Variants in LRBA observed in about 807,000 individuals in gnomAD.
The protein encoded by LRBA is lipopolysaccharide-responsive and beige-like anchor protein.
Under a neutral mutation model 330.0 loss-of-function variants are expected in LRBA, and 176 were observed. That is an observed-to-expected ratio of 0.53 (90% CI 0.47 to 0.60). The LOEUF (loss-of-function observed/expected upper bound fraction) is 0.60. LRBA is among the 20% of genes least tolerant of loss of function. The pLI is 0.00. For missense variants in LRBA, 3,259 were observed against 3,444.8 expected (o/e 0.95, Z 1.35); for synonymous variants, 1,230 against 1,193.0 (o/e 1.03, Z -0.64).
At chr4:150,553,184 G>A (rs1312910721) in intron 40 of LRBA, among the ~76,000 whole-genome samples, 1 of 152,102 alleles carries the variant, frequency 6.6e-6, no homozygotes, top group Non-Finnish European at 1.5e-5. Flanking sequence ...GGATGAAGCT[G>A]GAAACCATCA....
intron 40 of LRBA, among the ~76,000 whole-genome samples, chr4:150,527,749 T>C (rs1267311975): frequency 6.6e-6 from 1 of 152,218 alleles, no homozygotes. Flanking sequence ...CCTACACTTC[T>C]TGCCAGGAGG....
intron 47 of LRBA, among the ~76,000 whole-genome samples, chr4:150,361,900 T>C (rs1254266913): frequency 6.6e-6 from 1 of 151,902 alleles, no homozygotes; most frequent in African/African-American, 2.4e-5. Flanking sequence ...GTTTCCTGAG[T>C]AGCTGGGACT....
At chr4:150,767,732 T>C (rs1735958127) in intron 34 of LRBA, among the ~76,000 whole-genome samples, 1 of 140,194 alleles carries the variant, frequency 7.1e-6, no homozygotes, top group South Asian at 2.3e-4. Context: ...CACTCCAGCC[T>C]GGGCAACAGA....
intron 56 of LRBA, among the ~76,000 whole-genome samples, chr4:150,275,056 G>A (rs1044586585): frequency 6.6e-6 from 1 of 151,946 alleles, no homozygotes; most frequent in Non-Finnish European, 1.5e-5. Flanking sequence ...CCAAATCCAG[G>A]AGCACATCAA....
chr4:150,315,424 A>G, intron 51 of LRBA, 137 bp downstream of exon 51: 1 of 757,886 alleles, frequency 1.3e-6, no homozygotes, highest in Non-Finnish European at 2.3e-6. Context: ...AGCTCATTGC[A>G]TTCCAATTTG....
chr4:150,587,897 C>A (rs1400888450), intron 40 of LRBA, 151 bp downstream of exon 40: 2 of 728,338 alleles, frequency 2.7e-6, no homozygotes, highest in Non-Finnish European at 4.3e-6. Context: ...GGTAGGGAAT[C>A]ATAAACTAAA....
intron 2 of LRBA, among the ~76,000 whole-genome samples, chr4:150,948,287 A>G (rs949691646): frequency 2.6e-5 from 4 of 152,058 alleles, no homozygotes; most frequent in Admixed American, 1.3e-4. Context: ...CAGACACATA[A>G]ATCAATGAGA....
At chr4:150,819,906 C>G (rs1045422626) in intron 30 of LRBA, among the ~76,000 whole-genome samples, 1 of 152,020 alleles carries the variant, frequency 6.6e-6, no homozygotes, top group Non-Finnish European at 1.5e-5. Context: ...AGAAGTACGG[C>G]TTTCTACATG....
At chr4:150,399,645 T>C (rs924613897) in intron 47 of LRBA, among the ~76,000 whole-genome samples, 5 of 151,822 alleles carry the variant, frequency 3.3e-5, no homozygotes, top group East Asian at 1.9e-4. Context: ...GTTGGCGTGG[T>C]TGGTGGTGAG....
intron 40 of LRBA, chr4:150,584,698 CTGTT>C (rs1771881411): frequency 6.0e-6 from 1 of 166,920 alleles, no homozygotes. Context: ...TTGTAATTGA[CTGTT>C]TGTGGATTGT....
In LRBA at chr4:150,476,900, C is replaced by T. The variant is rs560779831; in HGVS notation, c.6552-5161G>A. Reference sequence around the variant, plus strand: ...ACCACCACAGGTAGAAAACTGATAACAGGACTAATTCTCTTGCTGATTGCC... The same window carrying T: ...ACCACCACAGGTAGAAAACTGATAATAGGACTAATTCTCTTGCTGATTGCC... On this transcript the variant is annotated intron_variant, in intron 42 of 56. Coordinates refer to ENST00000651943, the MANE Select transcript of LRBA (RefSeq NM_001364905.1). Among the ~76,000 whole-genome samples the T allele has an allele frequency of 7.9e-5, 12 of 152,244 alleles. No homozygotes were observed. The South Asian group carries it at 2.5e-3, about 32-fold the overall frequency.
intron 40 of LRBA, among the ~76,000 whole-genome samples, chr4:150,527,013 CTT>C (rs149377678): frequency 2.1e-5 from 3 of 144,150 alleles, no homozygotes; most frequent in African/African-American, 5.0e-5. Context: ...TTTTCTTCTA[CTT>C]TTTTTTTTTT....
In LRBA at chr4:150,350,054, A is replaced by G; in HGVS notation, c.7300T>C (p.Tyr2434His). The G allele has an allele frequency of 6.2e-7, 1 of 1,613,888 alleles. No homozygotes were observed. The highest frequency in any genetic ancestry group is 1.1e-5 in the South Asian group (1 of 91,070). ...ACAGCTCCTTCATAGGTCAAGTAAT[A>G]GAACACATTGAGGGCTCGGACAGCT... is the stretch of plus-strand genomic sequence containing the variant. ...PEAVRALNVFYYLTYEGAVNL... is the reference protein window; with the variant it reads ...PEAVRALNVFHYLTYEGAVNL... Residue 2434 changes from tyrosine (Y) to histidine (H), a missense_variant, in exon 48 of 57, where the codon TAT becomes CAT. Coordinates refer to ENST00000651943, the MANE Select transcript of LRBA (RefSeq NM_001364905.1).
intron 40 of LRBA, among the ~76,000 whole-genome samples, chr4:150,576,164 T>TAAAAAAA (rs33976355): frequency 1.4e-5 from 2 of 142,830 alleles, no homozygotes; most frequent in Non-Finnish European, 1.5e-5. Context: ...AACTGGTTTT[T>TAAAAAAA]AAAAAAAAAA....
chr4:150,630,460 A>G (rs1180004237), intron 37 of LRBA, among the ~76,000 whole-genome samples: 1 of 152,240 alleles, frequency 6.6e-6, no homozygotes, highest in East Asian at 1.9e-4. Flanking sequence ...TATTTAATAT[A>G]TAGTTTAATT....
At chr4:150,438,161 G>A (rs1007118970) in intron 44 of LRBA, among the ~76,000 whole-genome samples, 2 of 152,104 alleles carry the variant, frequency 1.3e-5, no homozygotes, top group Non-Finnish European at 2.9e-5. Flanking sequence ...CACTGAAAAA[G>A]ACATGATATA....
chr4:150,423,685 C>T, intron 46 of LRBA: 1 of 234,928 alleles, frequency 4.3e-6, no homozygotes, highest in Non-Finnish European at 8.3e-6. Flanking sequence ...CCCAGCACCA[C>T]TGCACGCCCC....
At chr4:150,480,427 C>G (rs1757170235) in intron 42 of LRBA, among the ~76,000 whole-genome samples, 1 of 151,840 alleles carries the variant, frequency 6.6e-6, no homozygotes, top group Non-Finnish European at 1.5e-5. Flanking sequence ...AATCCTTAAT[C>G]TATAGATTTA....
intron 29 of LRBA, among the ~76,000 whole-genome samples, chr4:150,829,750 A>G (rs1746874971): frequency 6.6e-6 from 1 of 152,116 alleles, no homozygotes; most frequent in Admixed American, 6.6e-5. Context: ...CAAGTTTTAA[A>G]TACCACTATA....
Sources: gnomAD v4.1 joint callset for allele counts (sites outside exome capture counted in the v4.1 genomes callset) on GRCh38, gnomAD v4.1.1 for gene constraint, MANE v1.5 for transcripts, NCBI Gene and HGNC (gene_info 2026-07-23, HGNC 2026-07-21) for gene names.